Variants in PTPRK observed in about 807,000 individuals in gnomAD.
PTPRK encodes protein tyrosine phosphatase receptor type K.
A neutral mutation model predicts 178.0 loss-of-function variants in PTPRK; 75 were observed. The observed-to-expected ratio is 0.42, with a 90% CI of 0.35 to 0.51. PTPRK has a LOEUF of 0.51. Among genes scored for constraint, PTPRK ranks in the 20% least tolerant of loss-of-function variants. The pLI is 0.02. For synonymous variants in PTPRK, 637 were observed against 620.6 expected, an observed-to-expected ratio of 1.03 and a Z score of -0.39; for missense variants, 1,441 against 1,797.8, an observed-to-expected ratio of 0.80 and a Z score of 3.59.
intron 1 of PTPRK, among the ~76,000 whole-genome samples, chr6:128,431,593 C>A (rs140775478): frequency 6.6e-6 from 1 of 152,248 alleles, no homozygotes; most frequent in East Asian, 1.9e-4. Flanking sequence ...TTAGGGCAAG[C>A]CTCATTATGA....
rs796372482 is a variant in PTPRK at position 128,191,990 on chromosome 6, C to T, written c.869-7265G>A. On this transcript the variant is annotated intron_variant, in intron 6 of 29. Transcript: ENST00000368226. ...ACACAGGGAAATGGGCATGTGACTA[C>T]ACGAATTGCTCACAGGCAAGTGAAC... Among the ~76,000 whole-genome samples the T allele has an allele frequency of 1.4e-4, 22 of 152,260 alleles. 1 individual carries two copies. Among genetic ancestry groups the T allele is most frequent in the African/African-American group, 4.8e-4 (20 of 41,560 alleles).
At chr6:128,220,616 T>C (rs1810224292) in intron 5 of PTPRK, among the ~76,000 whole-genome samples, 1 of 152,178 alleles carries the variant, frequency 6.6e-6, no homozygotes, top group African/African-American at 2.4e-5. Flanking sequence ...TGAGGATGCA[T>C]AAACCTCAGG....
intron 1 of PTPRK, among the ~76,000 whole-genome samples, chr6:128,439,373 A>AT (rs889025747): frequency 6.6e-6 from 1 of 152,126 alleles, no homozygotes; most frequent in African/African-American, 2.4e-5. Flanking sequence ...TGGCCAATAT[A>AT]TTTTTTAATA....
intron 2 of PTPRK, among the ~76,000 whole-genome samples, chr6:128,370,848 A>T (rs906925149): frequency 6.6e-6 from 1 of 152,188 alleles, no homozygotes; most frequent in East Asian, 1.9e-4. Context: ...CTTGCAAATA[A>T]TTTTAAATAT....
intron 1 of PTPRK, among the ~76,000 whole-genome samples, chr6:128,453,369 CT>C (rs1437595184): frequency 1.3e-5 from 2 of 152,136 alleles, no homozygotes; most frequent in Non-Finnish European, 2.9e-5. Flanking sequence ...GGACCCATAA[CT>C]TTAGACAAGT....
chr6:128,134,897 A>C (rs1355228031), intron 7 of PTPRK, among the ~76,000 whole-genome samples: 1 of 152,086 alleles, frequency 6.6e-6, no homozygotes, highest in African/African-American at 2.4e-5. Context: ...CTCATCCAAT[A>C]AGTTGAAGGC....
At chr6:128,197,684 C>T (rs1005260060) in intron 6 of PTPRK, among the ~76,000 whole-genome samples, 2 of 151,890 alleles carry the variant, frequency 1.3e-5, no homozygotes, top group African/African-American at 4.8e-5. Context: ...ATTCAAATTA[C>T]ACTCAGAATG....
At chr6:128,177,763 C>T (rs372560083) in intron 7 of PTPRK, among the ~76,000 whole-genome samples, 1 of 151,776 alleles carries the variant, frequency 6.6e-6, no homozygotes, top group African/African-American at 2.4e-5. Context: ...ATGCTGGGAA[C>T]TCCTAGCATA....
chr6:128,356,211 C>G (rs1208742689), intron 2 of PTPRK, among the ~76,000 whole-genome samples: 1 of 152,088 alleles, frequency 6.6e-6, no homozygotes, highest in Non-Finnish European at 1.5e-5. Context: ...AGTCTACCCC[C>G]TTGACTAATC....
intron 2 of PTPRK, among the ~76,000 whole-genome samples, chr6:128,337,065 G>T (rs998401071): frequency 2.0e-5 from 3 of 152,102 alleles, no homozygotes; most frequent in African/African-American, 7.2e-5. Context: ...TTTGCCTGGT[G>T]TGCCCCTTCT....
chr6:128,445,035 C>T (rs899505308), intron 1 of PTPRK, among the ~76,000 whole-genome samples: 1 of 151,356 alleles, frequency 6.6e-6, no homozygotes, highest in African/African-American at 2.4e-5. Context: ...TTCTGGCACA[C>T]ACTGATGCTC....
chr6:128,038,714 TA>T (rs1338145722), intron 13 of PTPRK, among the ~76,000 whole-genome samples: 1 of 152,148 alleles, frequency 6.6e-6, no homozygotes, highest in Non-Finnish European at 1.5e-5. Flanking sequence ...CAGCCATCAA[TA>T]AAAAAACTTT....
intron 7 of PTPRK, among the ~76,000 whole-genome samples, chr6:128,112,950 C>G (rs897918626): frequency 5.9e-5 from 9 of 152,206 alleles, no homozygotes; most frequent in Admixed American, 2.6e-4. Context: ...CTACAGTCAT[C>G]TACTCACTTA....
chr6:128,097,896 C>T (rs979765482), intron 7 of PTPRK, among the ~76,000 whole-genome samples: 1 of 151,864 alleles, frequency 6.6e-6, no homozygotes, highest in Non-Finnish European at 1.5e-5. Flanking sequence ...TTGTGTACAA[C>T]CCTAAAAAAA....
chr6:128,095,694 G>A (rs543638636), intron 7 of PTPRK, among the ~76,000 whole-genome samples: 100 of 152,290 alleles, frequency 6.6e-4, no homozygotes, highest in African/African-American at 2.3e-3. Context: ...AACAAAGTCA[G>A]GGGCTAGGGG....
intron 2 of PTPRK, among the ~76,000 whole-genome samples, chr6:128,349,405 T>C (rs573971299): frequency 6.6e-6 from 1 of 152,172 alleles, no homozygotes; most frequent in African/African-American, 2.4e-5. Context: ...AACAGGAAAA[T>C]ACAGAAATTC....
At chr6:128,034,105 G>C (rs12529487) in intron 13 of PTPRK, among the ~76,000 whole-genome samples, 15,039 of 152,194 alleles carry the variant, frequency 0.099, 977 homozygotes, top group Middle Eastern at 0.19. Flanking sequence ...GTCAATAACT[G>C]TGTAGACTAA....
At chr6:128,264,374 T>C (rs1298458976) in intron 3 of PTPRK, among the ~76,000 whole-genome samples, 3 of 152,224 alleles carry the variant, frequency 2.0e-5, no homozygotes, top group Non-Finnish European at 4.4e-5. Context: ...TTTGCCATCA[T>C]ATATTTACAG....
At position 128,009,142 on chromosome 6, in the gene PTPRK, A is replaced by G. The variant is rs1258026893; in HGVS notation, c.2321T>C (p.Ile774Thr). 2 of 1,608,622 alleles carry G rather than the reference A, an allele frequency of 1.2e-6. No homozygotes were observed. The highest frequency in any genetic ancestry group is 2.2e-5 in the South Asian group (2 of 90,898). Residue 774 changes from isoleucine to threonine, a missense_variant, in exon 14 of 30, where the codon ATT becomes ACT. Around this residue, in one of 4 missense-constraint regions of PTPRK, gnomAD observed 945 missense variants for 1,080.6 expected, o/e 0.87. Coordinates refer to ENST00000368226, the MANE Select transcript of PTPRK (RefSeq NM_002844.4). The part of the protein sequence containing the change: ...FILLLLVVIL[I>T]VKKSKLAKKR... ...TATTAGGCCTTACCTCTTTTTTACA[A>G]TTAATATGACAACTAGGAGAAGGAG...
Sources: allele counts gnomAD v4.1 joint callset (sites outside exome capture counted in the v4.1 genomes callset), GRCh38; gene constraint gnomAD v4.1.1; regional missense constraint gnomAD v4.1.1; transcripts MANE v1.5; gene names NCBI Gene and HGNC (gene_info 2026-07-23, HGNC 2026-07-21).